The following KANK1 variants were observed in gnomAD, a reference collection of about 807,000 sequenced individuals.
KANK1 encodes KN motif and ankyrin repeat domain-containing protein 1.
In KANK1, 109 loss-of-function variants were observed where a neutral mutation model predicts 106.2. The observed-to-expected ratio is 1.03, with a 90% CI of 0.88 to 1.20. The LOEUF (loss-of-function observed/expected upper bound fraction) is 1.20, where lower values mean the gene tolerates loss of function less well. Among genes scored for constraint, KANK1 ranks in the 50% most tolerant of loss-of-function variants. The pLI, the probability that KANK1 is intolerant of heterozygous loss-of-function variation, is 0.00. For missense variants in KANK1, 2,399 were observed against 1,710.7 expected, an observed-to-expected ratio of 1.40 and a Z score of -7.10; for synonymous variants, 873 against 652.2, an observed-to-expected ratio of 1.34 and a Z score of -5.16.
At chr9:511,056 A>T (rs2059007944) in intron 1 of KANK1, among the ~76,000 whole-genome samples, 1 of 152,210 alleles carries the variant, frequency 6.6e-6, no homozygotes, top group African/African-American at 2.4e-5. Context: ...GCAAAATTGT[A>T]TTAATAGGCA....
intron 2 of KANK1, among the ~76,000 whole-genome samples, chr9:697,926 A>G (rs1821712623): frequency 6.6e-6 from 1 of 152,182 alleles, no homozygotes; most frequent in Non-Finnish European, 1.5e-5. Flanking sequence ...TATCTCAGAC[A>G]GTATGGGTTA....
At chr9:726,712 C>T (rs1303354650) in intron 3 of KANK1, among the ~76,000 whole-genome samples, 1 of 152,108 alleles carries the variant, frequency 6.6e-6, no homozygotes, top group Non-Finnish European at 1.5e-5. Flanking sequence ...ATAATCCCAA[C>T]GCTTTGGGAG....
chr9:535,565 C>CTT (rs2060259009), intron 1 of KANK1, among the ~76,000 whole-genome samples: 1 of 152,140 alleles, frequency 6.6e-6, no homozygotes, highest in Non-Finnish European at 1.5e-5. Flanking sequence ...AAATTAGTAA[C>CTT]ATGTAAGGAA....
At chr9:702,904 C>A (rs1823037967) in intron 2 of KANK1, among the ~76,000 whole-genome samples, 1 of 152,180 alleles carries the variant, frequency 6.6e-6, no homozygotes, top group South Asian at 2.1e-4. Context: ...GAACTCATCT[C>A]TCGTTAACTC....
At chr9:571,089 C>G (rs748466393) in intron 1 of KANK1, among the ~76,000 whole-genome samples, 2 of 152,184 alleles carry the variant, frequency 1.3e-5, no homozygotes, top group African/African-American at 4.8e-5. Flanking sequence ...GTTTGCACCT[C>G]TGTTGTGGTA....
At chr9:521,853 C>A (rs754764351) in intron 1 of KANK1, among the ~76,000 whole-genome samples, 3 of 151,666 alleles carry the variant, frequency 2.0e-5, no homozygotes, top group Non-Finnish European at 4.4e-5. Flanking sequence ...CAGGCATGAG[C>A]CACTGTGCCT....
At chr9:550,046 G>C (rs2061179095) in intron 1 of KANK1, among the ~76,000 whole-genome samples, 1 of 152,118 alleles carries the variant, frequency 6.6e-6, no homozygotes, top group Non-Finnish European at 1.5e-5. Flanking sequence ...TTCAAAGCAA[G>C]GACTTGCTTT....
In KANK1 at chr9:742,374, A is replaced by T. The variant is rs1337704381; in HGVS notation, c.3866A>T (p.Gln1289Leu). The T allele has an allele frequency of 1.2e-6, 2 of 1,613,850 alleles. No individual in the cohort carries two copies. Among genetic ancestry groups the T allele is most frequent in the African/African-American group, 1.3e-5 (1 of 74,940 alleles). ...HVEIVKLLLA[Q>L]PGCNGHLEDN... Reference sequence around the variant, plus strand: ...GAGATTGTCAAGCTGCTGCTGGCCCAGCCCGGCTGCAACGGTCACCTAGAG... The same window carrying T: ...GAGATTGTCAAGCTGCTGCTGGCCCTGCCCGGCTGCAACGGTCACCTAGAG... The change falls in exon 10 of 12, where the codon CAG becomes CTG. Residue 1289 changes from glutamine to leucine, a missense_variant. Transcript: ENST00000382297.
At chr9:622,685 C>T (rs1325091844) in intron 1 of KANK1, among the ~76,000 whole-genome samples, 1 of 152,028 alleles carries the variant, frequency 6.6e-6, no homozygotes. Context: ...TGGCGGATCA[C>T]AAGGTCAGGA....
intron 3 of KANK1, among the ~76,000 whole-genome samples, chr9:728,439 C>T (rs899820440): frequency 6.6e-6 from 1 of 151,702 alleles, no homozygotes; most frequent in African/African-American, 2.4e-5. Flanking sequence ...CTCAGGTGAT[C>T]CACCTGCCTT....
intron 1 of KANK1, among the ~76,000 whole-genome samples, chr9:618,854 A>G (rs1832488222): frequency 6.6e-6 from 1 of 152,184 alleles, no homozygotes; most frequent in South Asian, 2.1e-4. Context: ...TTGAGGCAAA[A>G]TTGTCTCCAC....
In KANK1 at chr9:732,494, A is replaced by T; in HGVS notation, c.3122A>T (p.Glu1041Val). The change falls in exon 6 of 12, where the codon GAA (glutamate) becomes GTA (valine). Residue 1041 changes from glutamate to valine, a missense_variant. Physicochemically the swap from Glu to Val is moderately radical, Grantham distance 121 (BLOSUM62 -2). Transcript: ENST00000382297. ...GAAGAAGAGGAGGAGGAGGAGGATG[A>T]AGACACTCGGGGAATGGCAGAAGGG... ...PLEEEEEEED[E>V]DTRGMAEGHH... 6.2e-7 allele frequency: 1 copy of T among 1,614,174 alleles called. No homozygotes were observed. The highest frequency in any genetic ancestry group is 8.5e-7 in the Non-Finnish European group (1 of 1,180,026).
intron 1 of KANK1, among the ~76,000 whole-genome samples, chr9:651,284 T>G (rs1157994030): frequency 6.6e-6 from 1 of 152,234 alleles, no homozygotes; most frequent in East Asian, 1.9e-4. Flanking sequence ...TTTATATTCT[T>G]TGTTCTCTTC....
Position 695,350 on chromosome 9 carries a change from A to G in KANK1, c.38-15454A>G, listed in dbSNP as rs953020184. On this transcript the variant is annotated intron_variant, in intron 2 of 11. Transcript: ENST00000382297. ...ATGGAGATATTTTAACCTGGCCATAATATGCTTTAAAAGTTGGGGGGTGTT... is the reference window on the plus strand; with the variant it reads ...ATGGAGATATTTTAACCTGGCCATAGTATGCTTTAAAAGTTGGGGGGTGTT... Among the ~76,000 whole-genome samples, 10 of 152,166 alleles carry G rather than the reference A, an allele frequency of 6.6e-5. No homozygotes were observed. In the South Asian group the frequency reaches 1.5e-3, roughly 22 times the overall value.
chr9:598,620 C>CTTTCTTTTTTT (rs1826840487), intron 1 of KANK1, among the ~76,000 whole-genome samples: 1 of 46,660 alleles, frequency 2.1e-5, no homozygotes, highest in African/African-American at 6.8e-5. Flanking sequence ...TGTTGGTTTT[C>CTTTCTTTTTTT]TTTTTTTTTT....
At chr9:517,309 G>A (rs1017554172) in intron 1 of KANK1, among the ~76,000 whole-genome samples, 3 of 151,590 alleles carry the variant, frequency 2.0e-5, no homozygotes, top group Non-Finnish European at 4.4e-5. Context: ...TCACCATGTT[G>A]GCCAGGATGG....
intron 2 of KANK1, among the ~76,000 whole-genome samples, chr9:708,687 G>T (rs1825019077): frequency 2.0e-5 from 3 of 152,134 alleles, no homozygotes; most frequent in Admixed American, 2.0e-4. Context: ...AGTGCTGGGG[G>T]TTGGGAGGGC....
At chr9:622,487 G>A (rs1465611054) in intron 1 of KANK1, among the ~76,000 whole-genome samples, 1 of 152,148 alleles carries the variant, frequency 6.6e-6, no homozygotes, top group Non-Finnish European at 1.5e-5. Context: ...CCAAGAATAC[G>A]CAATGGGGGA....
chr9:712,905 G>C lies in KANK1; in HGVS notation c.2139G>C (p.Glu713Asp). 2 of 1,614,108 alleles carry C rather than the reference G, an allele frequency of 1.2e-6. No individual in the cohort carries two copies. The highest frequency in any genetic ancestry group is 1.7e-6 in the Non-Finnish European group (2 of 1,180,036). ...AGCAGACCAGCACCCAGACTGTGGA[G>C]ACGCGGACAGTAGCTGTAGGAGAAG... The part of the protein sequence containing the change: ...LDKQTSTQTV[E>D]TRTVAVGEGR... The change falls in exon 3 of 12, where the codon GAG (glutamate) becomes GAC (aspartate). Residue 713 changes from glutamate (E) to aspartate (D), a missense_variant. Coordinates refer to ENST00000382297, the MANE Select transcript of KANK1 (RefSeq NM_015158.5).
Sources: allele counts gnomAD v4.1 joint callset (sites outside exome capture counted in the v4.1 genomes callset), GRCh38; gene constraint gnomAD v4.1.1; transcripts MANE v1.5; gene names NCBI Gene and HGNC (gene_info 2026-07-23, HGNC 2026-07-21).